Variants in MACROD2 observed in about 807,000 individuals in gnomAD.
MACROD2 encodes ADP-ribose glycohydrolase MACROD2.
Under a neutral mutation model 70.4 loss-of-function variants are expected in MACROD2, and 36 were observed. The ratio of observed to expected loss-of-function variants is 0.51; its 90% CI spans 0.39 to 0.68. The LOEUF (loss-of-function observed/expected upper bound fraction) is 0.68. MACROD2 is among the 30% of genes least tolerant of loss of function. The probability of loss-of-function intolerance (pLI) is 0.00; values close to 1 mark genes in which losing one functional copy is unlikely to be tolerated. For synonymous variants in MACROD2, 172 were observed against 178.8 expected, an observed-to-expected ratio of 0.96 and a Z score of 0.30; for missense variants, 496 against 538.4, an observed-to-expected ratio of 0.92 and a Z score of 0.78.
chr20:15,170,420 G>T (rs1454810370), intron 5 of MACROD2, among the ~76,000 whole-genome samples: 2 of 152,196 alleles, frequency 1.3e-5, no homozygotes, highest in East Asian at 3.9e-4. Flanking sequence ...TAAATGAGAA[G>T]TCAGGTAGGA....
intron 4 of MACROD2, among the ~76,000 whole-genome samples, chr20:14,506,155 C>T (rs1172223761): frequency 6.6e-6 from 1 of 152,066 alleles, no homozygotes; most frequent in African/African-American, 2.4e-5. Flanking sequence ...TGATCTTGGC[C>T]AGATGAGGGC....
At chr20:14,898,814 C>G (rs996969745) in intron 5 of MACROD2, among the ~76,000 whole-genome samples, 3 of 152,072 alleles carry the variant, frequency 2.0e-5, no homozygotes, top group East Asian at 3.9e-4. Context: ...TCTCTAACTG[C>G]CTAATCCATT....
At chr20:15,481,208 TAAGATA>T (rs2047092583) in intron 7 of MACROD2, among the ~76,000 whole-genome samples, 1 of 152,250 alleles carries the variant, frequency 6.6e-6, no homozygotes, top group South Asian at 2.1e-4. Flanking sequence ...AGATGCCATG[TAAGATA>T]ACATTATGGT....
chr20:14,704,036 T>C (rs1038540065), intron 5 of MACROD2, among the ~76,000 whole-genome samples: 36 of 152,240 alleles, frequency 2.4e-4, no homozygotes, highest in African/African-American at 7.9e-4. Flanking sequence ...CCTGAGACCC[T>C]GACTTCTTTT....
At position 15,875,627 on chromosome 20, in the gene MACROD2, C is replaced by T. The variant is rs892188104; in HGVS notation, c.728-10137C>T. Among the ~76,000 whole-genome samples the T allele has an allele frequency of 4.0e-5, 6 of 151,858 alleles. No homozygotes were observed. In the East Asian group the frequency reaches 5.9e-4, roughly 15 times the overall value. On this transcript the variant is annotated intron_variant, in intron 9 of 17. Transcript: ENST00000684519. ...CAACCTGAATGCAGGAACAAGCAGC[C>T]GGCATAGACAGAAAGCAATCTGTCC...
chr20:14,688,604 G>A (rs773643060), intron 5 of MACROD2, among the ~76,000 whole-genome samples: 7 of 152,100 alleles, frequency 4.6e-5, no homozygotes, highest in Non-Finnish European at 1.0e-4. Context: ...AGTAGATGGA[G>A]GATTGTTTAT....
chr20:14,457,998 G>A (rs2084323385), intron 3 of MACROD2, among the ~76,000 whole-genome samples: 1 of 151,972 alleles, frequency 6.6e-6, no homozygotes, highest in Non-Finnish European at 1.5e-5. Context: ...CTACTTGGGA[G>A]GCTGAGGCAG....
At chr20:14,651,078 G>T (rs769579502) in intron 4 of MACROD2, among the ~76,000 whole-genome samples, 2 of 152,082 alleles carry the variant, frequency 1.3e-5, no homozygotes, top group African/African-American at 4.8e-5. Context: ...TCCAAAACAG[G>T]GTTCTAGGAT....
chr20:15,970,069 AAAT>A (rs2066207035), intron 13 of MACROD2, among the ~76,000 whole-genome samples: 1 of 152,248 alleles, frequency 6.6e-6, no homozygotes, highest in South Asian at 2.1e-4. Context: ...TGTATAATGA[AAAT>A]AAGAAGATAA....
intron 10 of MACROD2, among the ~76,000 whole-genome samples, chr20:15,925,106 A>G (rs1250644437): frequency 1.3e-5 from 2 of 152,240 alleles, no homozygotes; most frequent in Non-Finnish European, 2.9e-5. Context: ...TTATGTGCAT[A>G]TCTGAGAACT....
chr20:14,649,915 G>T (rs1305971952), intron 4 of MACROD2, among the ~76,000 whole-genome samples: 1 of 152,096 alleles, frequency 6.6e-6, no homozygotes, highest in African/African-American at 2.4e-5. Flanking sequence ...TCTTGACTCT[G>T]GATCCAGGTG....
At chr20:14,379,524 G>A (rs998639336) in intron 3 of MACROD2, among the ~76,000 whole-genome samples, 2 of 152,048 alleles carry the variant, frequency 1.3e-5, no homozygotes, top group Non-Finnish European at 2.9e-5. Flanking sequence ...ATACTTTCAC[G>A]ATGTTGTGTA....
At chr20:15,934,808 G>A (rs750597445) in intron 11 of MACROD2, among the ~76,000 whole-genome samples, 19 of 151,722 alleles carry the variant, frequency 1.3e-4, no homozygotes, top group African/African-American at 4.1e-4. Flanking sequence ...AGAGATTTTC[G>A]TGCCTCAGCC....
chr20:14,528,428 A>G (rs2085262226), intron 4 of MACROD2, among the ~76,000 whole-genome samples: 1 of 151,174 alleles, frequency 6.6e-6, no homozygotes, highest in South Asian at 2.1e-4. Context: ...TGCTGGGATT[A>G]CAGGTGTGAG....
chr20:14,733,782 A>G (rs1642996704), intron 5 of MACROD2, among the ~76,000 whole-genome samples: 1 of 152,184 alleles, frequency 6.6e-6, no homozygotes, highest in Non-Finnish European at 1.5e-5. Flanking sequence ...ATTATAAATG[A>G]AGCCAAGTTT....
At chr20:14,597,376 T>G (rs533280647) in intron 4 of MACROD2, among the ~76,000 whole-genome samples, 4 of 152,306 alleles carry the variant, frequency 2.6e-5, no homozygotes, top group Non-Finnish European at 5.9e-5. Flanking sequence ...ATCTCTTAAT[T>G]TCTAAATACA....
At chr20:15,917,470 A>G (rs1023411631) in intron 10 of MACROD2, among the ~76,000 whole-genome samples, 2 of 152,206 alleles carry the variant, frequency 1.3e-5, no homozygotes, top group African/African-American at 4.8e-5. Context: ...GCCAGTAAGT[A>G]TTCCTTACTG....
At chr20:14,673,042 T>C (rs1246455881) in intron 4 of MACROD2, among the ~76,000 whole-genome samples, 4 of 152,224 alleles carry the variant, frequency 2.6e-5, no homozygotes, top group African/African-American at 9.6e-5. Flanking sequence ...TATTTCATGA[T>C]TCCCATGTAT....
Position 16,052,425 on chromosome 20 carries a change from A to G in MACROD2, c.*2549A>G, listed in dbSNP as rs529311343. On this transcript the variant is annotated 3_prime_UTR_variant, in exon 18 of 18. Transcript: ENST00000684519. Reference sequence around the variant, plus strand: ...TTTCCAACCAAACTCCAATACAGCTATGTGGCATGAAGAGTTACAGGAGGG... The same window carrying G: ...TTTCCAACCAAACTCCAATACAGCTGTGTGGCATGAAGAGTTACAGGAGGG... The G allele has an allele frequency of 1.3e-5, 2 of 152,344 alleles. No homozygotes were observed. The highest frequency in any genetic ancestry group is 3.9e-4 in the East Asian group (2 of 5,178). The allele number at this position is 152,344 out of a possible 1,614,324, so 9.4% of individuals were successfully genotyped here.
Sources: allele counts gnomAD v4.1 joint callset (sites outside exome capture counted in the v4.1 genomes callset), GRCh38; gene constraint gnomAD v4.1.1; transcripts MANE v1.5; gene names NCBI Gene and HGNC (gene_info 2026-07-23, HGNC 2026-07-21).